The following PRKN variants were observed in gnomAD, a reference collection of about 807,000 sequenced individuals.
PRKN encodes the protein E3 ubiquitin-protein ligase parkin.
PRKN carries 56 observed loss-of-function variants against 59.5 expected under a neutral mutation model. The observed-to-expected ratio is 0.94, with a 90% CI of 0.76 to 1.18. The LOEUF is 1.18. Among genes scored for constraint, PRKN ranks in the 50% most tolerant of loss-of-function variants. PRKN has a pLI of 0.00. For missense variants in PRKN, 657 were observed against 596.4 expected, an observed-to-expected ratio of 1.10 and a Z score of -1.06; for synonymous variants, 250 against 222.1, an observed-to-expected ratio of 1.13 and a Z score of -1.12.
intron 7 of PRKN, among the ~76,000 whole-genome samples, chr6:161,776,550 T>C (rs1398982177): frequency 6.6e-6 from 1 of 152,212 alleles, no homozygotes; most frequent in Non-Finnish European, 1.5e-5. Flanking sequence ...TGAAAATGCC[T>C]TCTTGCTTAC....
intron 4 of PRKN, among the ~76,000 whole-genome samples, chr6:162,114,647 A>G (rs1238085399): frequency 6.6e-6 from 1 of 151,286 alleles, no homozygotes; most frequent in Non-Finnish European, 1.5e-5. Context: ...CAAATTTACA[A>G]GAAAAAAACA....
chr6:162,417,759 T>TAAA (rs1788708971), intron 2 of PRKN, among the ~76,000 whole-genome samples: 1 of 152,186 alleles, frequency 6.6e-6, no homozygotes, highest in African/African-American at 2.4e-5. Flanking sequence ...CATGAACGTG[T>TAAA]TTACGGGTCT....
At chr6:161,432,677 T>A (rs1788704504) in intron 9 of PRKN, among the ~76,000 whole-genome samples, 1 of 151,648 alleles carries the variant, frequency 6.6e-6, no homozygotes, top group Non-Finnish European at 1.5e-5. Flanking sequence ...CCACTGCACC[T>A]AGCCTCTGAT....
At chr6:161,633,798 C>T (rs570154828) in intron 7 of PRKN, among the ~76,000 whole-genome samples, 2 of 151,910 alleles carry the variant, frequency 1.3e-5, no homozygotes, top group East Asian at 3.9e-4. Context: ...TTGACAGAAT[C>T]ATTCCACTCG....
intron 7 of PRKN, among the ~76,000 whole-genome samples, chr6:161,732,048 C>A (rs1295105329): frequency 6.6e-6 from 1 of 151,648 alleles, no homozygotes; most frequent in African/African-American, 2.4e-5. Flanking sequence ...TTTCATCACC[C>A]AAGTACTAAG....
chr6:162,638,744 T>C (rs1777847405), intron 1 of PRKN, among the ~76,000 whole-genome samples: 1 of 2,056 alleles, frequency 4.9e-4, no homozygotes, highest in South Asian at 3.2e-3. Context: ...TATCCCTTTT[T>C]TTTTTTTTTT....
chr6:162,629,189 T>C (rs1020291089), intron 1 of PRKN, among the ~76,000 whole-genome samples: 1 of 152,176 alleles, frequency 6.6e-6, no homozygotes, highest in Non-Finnish European at 1.5e-5. Context: ...TTGAGATACT[T>C]ACAAATTATA....
chr6:161,744,308 GCACCTTAGATTAAGCCA>G (rs1788323247), intron 7 of PRKN, among the ~76,000 whole-genome samples: 1 of 151,456 alleles, frequency 6.6e-6, no homozygotes, highest in South Asian at 2.1e-4. Flanking sequence ...TCCAAAATAA[GCACCTTAGATTAAGCCA>G]CACGATGAAT....
rs186402484 is a variant in PRKN, at chr6:161,498,145, A to C, written c.1083+50709T>G. ...TCACATGTGGGAAAAAAGACAAATTATTGTTAATCAATTTCTAACCTATAC... is the reference window on the plus strand; with the variant it reads ...TCACATGTGGGAAAAAAGACAAATTCTTGTTAATCAATTTCTAACCTATAC... On this transcript the variant is annotated intron_variant, in intron 9 of 11. Coordinates refer to ENST00000366898, the MANE Select transcript of PRKN (RefSeq NM_004562.3). This position sits in a 1 kb window ranked among gnomAD's most constrained non-coding sequence, Gnocchi z 4.2. Among the ~76,000 whole-genome samples the C allele has an allele frequency of 3.7e-3, 560 of 152,306 alleles. No individual in the cohort carries two copies. Among genetic ancestry groups the C allele is most frequent in the Middle Eastern group, 0.017 (5 of 294 alleles).
chr6:162,020,332 C>CAAAAAAAAAAAAAAAAAAA (rs771141235), intron 5 of PRKN, among the ~76,000 whole-genome samples: 46 of 45,488 alleles, frequency 1.0e-3, no homozygotes, highest in Non-Finnish European at 1.4e-3. Context: ...ACCAATGAAT[C>CAAAAAAAAAAAAAAAAAAA]AAAAAAAAAA....
chr6:161,429,375 C>T lies in PRKN; in HGVS notation c.1084-42498G>A, dbSNP rs1220779435. On this transcript the variant is annotated intron_variant, in intron 9 of 11. Coordinates refer to ENST00000366898, the MANE Select transcript of PRKN (RefSeq NM_004562.3). This position sits in a 1 kb window ranked among gnomAD's most constrained non-coding sequence, Gnocchi z 4.2. Reference sequence around the variant, plus strand: ...AAGTAAACAGGTCATTATAACACAGCAGTGCCCTAAGTGCTATTGCTCTAT... The same window carrying T: ...AAGTAAACAGGTCATTATAACACAGTAGTGCCCTAAGTGCTATTGCTCTAT... Among the ~76,000 whole-genome samples the T allele has an allele frequency of 6.6e-6, 1 of 152,090 alleles. No individual in the cohort carries two copies. Among genetic ancestry groups the T allele is most frequent in the African/African-American group, 2.4e-5 (1 of 41,392 alleles).
chr6:162,214,361 G>C (rs1053351421), intron 3 of PRKN, among the ~76,000 whole-genome samples: 10 of 152,152 alleles, frequency 6.6e-5, no homozygotes, highest in Non-Finnish European at 1.5e-4. Flanking sequence ...AGCACAGACT[G>C]CCTCCTCTCC....
intron 2 of PRKN, among the ~76,000 whole-genome samples, chr6:162,435,318 T>G (rs1489578218): frequency 6.6e-6 from 1 of 152,158 alleles, no homozygotes; most frequent in Admixed American, 6.5e-5. Context: ...CTATATATCT[T>G]CAGCATCTTA....
At chr6:162,040,240 T>C (rs1440000216) in intron 5 of PRKN, among the ~76,000 whole-genome samples, 1 of 152,102 alleles carries the variant, frequency 6.6e-6, no homozygotes, top group Non-Finnish European at 1.5e-5. Flanking sequence ...ATTTACAATG[T>C]TGTTTGGGGG....
At position 161,973,492 on chromosome 6, in the gene PRKN, A is replaced by T. The variant is rs938456620; in HGVS notation, c.619-75T>A. 5.0e-6 allele frequency: 4 copies of T among 807,406 alleles called. No individual in the cohort carries two copies. The African/African-American group carries it at 6.7e-5, about 14-fold the overall frequency. 50.0% of individuals were successfully genotyped at this position (807,406 alleles called of 1,614,324 possible). A position where few individuals can be genotyped will look rare whatever the true frequency, so the allele number is the denominator to read the frequency against. On this transcript the variant is annotated intron_variant, in intron 5 of 11. Coordinates refer to ENST00000366898, the MANE Select transcript of PRKN (RefSeq NM_004562.3). ...TTTCCTCTAAATGTTTCCACAGTAA[A>T]CAATCTCTTTGGACAAGAGAAGAAA...
chr6:161,484,363 C>T lies in PRKN; in HGVS notation c.1083+64491G>A, dbSNP rs1357002121. On this transcript the variant is annotated intron_variant, in intron 9 of 11. Coordinates refer to ENST00000366898, the MANE Select transcript of PRKN (RefSeq NM_004562.3). This position sits in a 1 kb window ranked among gnomAD's most constrained non-coding sequence, Gnocchi z 4.9. ...ATGGGCCATCCAGCCTGAAGAAAGC[C>T]TTTCTTGTTGCTGCTATTTGTATCA... Among the ~76,000 whole-genome samples, 1 of 152,138 alleles carries T rather than the reference C, an allele frequency of 6.6e-6. No individual in the cohort carries two copies. The highest frequency in any genetic ancestry group is 1.5e-5 in the Non-Finnish European group (1 of 68,026).
intron 3 of PRKN, among the ~76,000 whole-genome samples, chr6:162,255,489 G>C (rs1779604493): frequency 6.6e-6 from 1 of 152,134 alleles, no homozygotes; most frequent in African/African-American, 2.4e-5. Flanking sequence ...CTATTCACTT[G>C]AGGATCTTAT....
chr6:161,595,386 C>A (rs766666348), intron 7 of PRKN, among the ~76,000 whole-genome samples: 33 of 152,142 alleles, frequency 2.2e-4, no homozygotes, highest in Admixed American at 3.3e-4. Context: ...GTTATTCAAG[C>A]TCAAGAAAAG....
intron 7 of PRKN, among the ~76,000 whole-genome samples, chr6:161,599,981 C>T (rs752378437): frequency 6.6e-5 from 10 of 152,106 alleles, no homozygotes; most frequent in East Asian, 1.9e-4. Flanking sequence ...CCAAACATCC[C>T]GCACACGTGA....
Sources: gnomAD v4.1 joint callset for allele counts (sites outside exome capture counted in the v4.1 genomes callset) on GRCh38, gnomAD v4.1.1 for gene constraint, Gnocchi (gnomAD v3.1) non-coding constraint, MANE v1.5 for transcripts, NCBI Gene and HGNC (gene_info 2026-07-23, HGNC 2026-07-21) for gene names.